The following SORCS3 variants were observed in gnomAD, a reference collection of about 807,000 sequenced individuals.
The protein encoded by SORCS3 is VPS10 domain-containing receptor SorCS3.
Under a neutral mutation model 146.3 loss-of-function variants are expected in SORCS3, and 57 were observed. The observed-to-expected ratio is 0.39, with a 90% CI of 0.31 to 0.49. SORCS3 has a LOEUF of 0.49. Among genes scored for constraint, SORCS3 ranks in the 20% least tolerant of loss-of-function variants. The pLI, the probability that SORCS3 is intolerant of heterozygous loss-of-function variation, is 0.92. For synonymous variants in SORCS3, 653 were observed against 618.5 expected, an observed-to-expected ratio of 1.06 and a Z score of -0.83; for missense variants, 1,341 against 1,575.5, an observed-to-expected ratio of 0.85 and a Z score of 2.52.
At chr10:104,859,464 C>G (rs929762338) in intron 2 of SORCS3, among the ~76,000 whole-genome samples, 5 of 152,080 alleles carry the variant, frequency 3.3e-5, no homozygotes, top group African/African-American at 9.7e-5. Context: ...CCATAAAAAC[C>G]CTAGAAGAAA....
intron 1 of SORCS3, among the ~76,000 whole-genome samples, chr10:104,752,479 G>A (rs974718182): frequency 1.3e-5 from 2 of 152,194 alleles, no homozygotes; most frequent in Non-Finnish European, 2.9e-5. Context: ...AGCCTTGCTT[G>A]TAAAAGAGTG....
chr10:105,112,675 C>T (rs2055866420), intron 7 of SORCS3, among the ~76,000 whole-genome samples: 2 of 152,074 alleles, frequency 1.3e-5, no homozygotes, highest in Non-Finnish European at 2.9e-5. Context: ...GGTGGCATTC[C>T]CAGGGAGTAG....
intron 1 of SORCS3, among the ~76,000 whole-genome samples, chr10:104,696,426 T>TATAG (rs2016197721): frequency 1.2e-5 from 1 of 80,974 alleles, no homozygotes; most frequent in African/African-American, 5.1e-5. Context: ...ATATAATATA[T>TATAG]AATATAGAAT....
intron 4 of SORCS3, among the ~76,000 whole-genome samples, chr10:105,035,576 T>TA (rs2055301021): frequency 1.3e-5 from 2 of 151,814 alleles, no homozygotes; most frequent in African/African-American, 4.8e-5. Context: ...CAAGTGATTC[T>TA]CCTGCCTCAG....
intron 1 of SORCS3, among the ~76,000 whole-genome samples, chr10:104,745,531 C>G (rs2016897134): frequency 6.6e-6 from 1 of 152,174 alleles, no homozygotes. Flanking sequence ...TATCCAGCAC[C>G]TCCGAGAGTT....
At position 105,265,114 on chromosome 10, in the gene SORCS3, T is replaced by A. The variant is rs1258156210; in HGVS notation, c.*1740T>A. ...CTGGAATACAAATGCATGACTCATA[T>A]CTATATATACAGTATATGTACATAT... is the stretch of plus-strand genomic sequence containing the variant. On this transcript the variant is annotated 3_prime_UTR_variant, in exon 27 of 27. Transcript: ENST00000369701. 1 of 152,562 alleles carries A rather than the reference T, an allele frequency of 6.6e-6. No homozygotes were observed. The highest frequency in any genetic ancestry group is 2.4e-5 in the African/African-American group (1 of 41,408). The allele number at this position is 152,562 out of a possible 1,614,324, so 9.5% of individuals were successfully genotyped here.
At chr10:104,933,994 C>T (rs1001313058) in intron 3 of SORCS3, among the ~76,000 whole-genome samples, 2 of 152,104 alleles carry the variant, frequency 1.3e-5, no homozygotes, top group African/African-American at 4.8e-5. Context: ...GGGGTTTCAC[C>T]ACGTTGGCCA....
chr10:105,229,414 C>A (rs1298046857), intron 20 of SORCS3, among the ~76,000 whole-genome samples: 3 of 152,020 alleles, frequency 2.0e-5, no homozygotes, highest in Non-Finnish European at 4.4e-5. Flanking sequence ...GTCACTTTTT[C>A]TTGCTTTTTA....
At chr10:104,843,451 A>G (rs983389047) in intron 2 of SORCS3, among the ~76,000 whole-genome samples, 8 of 152,240 alleles carry the variant, frequency 5.3e-5, no homozygotes, top group Admixed American at 2.0e-4. Flanking sequence ...TTAATATCAT[A>G]TATTAAAACA....
At chr10:104,832,374 A>C (rs1248316521) in intron 1 of SORCS3, among the ~76,000 whole-genome samples, 1 of 152,202 alleles carries the variant, frequency 6.6e-6, no homozygotes, top group African/African-American at 2.4e-5. Context: ...GTTCAGTGGT[A>C]GCATGAGAAG....
In SORCS3 at chr10:105,167,469, A is replaced by G. The variant is rs1030054780; in HGVS notation, c.1901+120A>G. On this transcript the variant is annotated intron_variant, in intron 13 of 26. Transcript: ENST00000369701. ...TGTACATTTCCTCATCCATTTATTT[A>G]TCCATCCATCCATTTAATAGCCTTT... 5.8e-6 allele frequency: 4 copies of G among 684,238 alleles called. No homozygotes were observed. In the African/African-American group the frequency reaches 7.2e-5, roughly 12 times the overall value. 42.4% of individuals were successfully genotyped at this position (684,238 alleles called of 1,614,324 possible).
intron 1 of SORCS3, among the ~76,000 whole-genome samples, chr10:104,841,516 C>A (rs982317328): frequency 6.6e-6 from 1 of 152,052 alleles, no homozygotes; most frequent in Non-Finnish European, 1.5e-5. Context: ...TGGATCATAT[C>A]CCTTGCCTTT....
At chr10:104,708,095 A>G (rs3896224) in intron 1 of SORCS3, among the ~76,000 whole-genome samples, 56,456 of 152,124 alleles carry the variant, frequency 0.37, 11,663 homozygotes, top group East Asian at 0.64. Context: ...AACTACACTC[A>G]TTGTTTATCT....
At chr10:104,859,634 C>A (rs1192617746) in intron 2 of SORCS3, among the ~76,000 whole-genome samples, 2 of 152,140 alleles carry the variant, frequency 1.3e-5, no homozygotes, top group African/African-American at 4.8e-5. Context: ...AACAGGCAAC[C>A]TACAAAATGG....
At chr10:105,044,213 T>TA (rs557964320) in intron 5 of SORCS3, among the ~76,000 whole-genome samples, 51 of 151,916 alleles carry the variant, frequency 3.4e-4, no homozygotes, top group African/African-American at 1.2e-3. Flanking sequence ...TACAAATAAA[T>TA]AAAAAATGAG....
At chr10:104,834,214 G>A (rs2018039640) in intron 1 of SORCS3, among the ~76,000 whole-genome samples, 1 of 152,050 alleles carries the variant, frequency 6.6e-6, no homozygotes, top group Admixed American at 6.6e-5. Flanking sequence ...ACAGCAACCA[G>A]AGTGATCTTG....
At position 105,223,094 on chromosome 10, in the gene SORCS3, C is replaced by CT. The variant is rs201706897; in HGVS notation, c.2735-13dup. On this transcript the variant is annotated intron_variant, in intron 19 of 26. Transcript: ENST00000369701. ...ACCACATCCAGAATATAAACACTGA[C>CT]TTTTTTTTTCTGTTTCCTTAGGTCC... The CT allele has an allele frequency of 5.1e-4, 802 of 1,572,426 alleles. 3 individuals carry two copies. The African/African-American group carries it at 6.1e-3, about 12-fold the overall frequency.
At chr10:105,216,222 A>T (rs1342791588) in intron 18 of SORCS3, among the ~76,000 whole-genome samples, 3 of 152,114 alleles carry the variant, frequency 2.0e-5, no homozygotes, top group Admixed American at 1.3e-4. Context: ...ACAAGGGTAT[A>T]ATTTGGGGTG....
At chr10:105,101,693 T>C (rs1243597875) in intron 6 of SORCS3, among the ~76,000 whole-genome samples, 1 of 152,120 alleles carries the variant, frequency 6.6e-6, no homozygotes, top group Non-Finnish European at 1.5e-5. Context: ...TTGCTTCCTT[T>C]TTCAAAGTGT....
Sources: allele counts gnomAD v4.1 joint callset (sites outside exome capture counted in the v4.1 genomes callset), GRCh38; gene constraint gnomAD v4.1.1; transcripts MANE v1.5; gene names NCBI Gene and HGNC (gene_info 2026-07-23, HGNC 2026-07-21).